PCDHA6: variants seen among roughly 807,000 people sequenced by gnomAD.
The protein encoded by PCDHA6 is protocadherin alpha-6.
Under a neutral mutation model 60.3 loss-of-function variants are expected in PCDHA6, and 55 were observed. The observed-to-expected ratio is 0.91, with a 90% confidence interval of 0.73 to 1.14. The LOEUF (loss-of-function observed/expected upper bound fraction) is 1.14. Among genes scored for constraint, PCDHA6 ranks in the 50% most tolerant of loss-of-function variants. The pLI, the probability that PCDHA6 is intolerant of heterozygous loss-of-function variation, is 0.00. For synonymous variants in PCDHA6, 652 were observed against 557.9 expected, an observed-to-expected ratio of 1.17 and a Z score of -2.38; for missense variants, 1,327 against 1,256.5, an observed-to-expected ratio of 1.06 and a Z score of -0.85.
intron 1 of PCDHA6, among the ~76,000 whole-genome samples, chr5:140,893,408 T>C (rs1562871197): frequency 6.6e-6 from 1 of 152,076 alleles, no homozygotes; most frequent in Non-Finnish European, 1.5e-5. Flanking sequence ...ATCCCAGCAC[T>C]TAGGGAGGCA....
At chr5:140,884,179 G>A in intron 1 of PCDHA6, 3 of 1,613,460 alleles carry the variant, frequency 1.9e-6, no homozygotes, top group Non-Finnish European at 1.7e-6. Context: ...CGCGCCCTCT[G>A]GACGAGGTGG....
In PCDHA6 at chr5:140,849,693, A is replaced by C. The variant is rs2150445321; in HGVS notation, c.2394+19208A>C. 85 of 1,598,584 alleles carry C rather than the reference A, an allele frequency of 5.3e-5. 3 individuals are homozygous for C. The East Asian group carries it at 1.1e-3, about 21-fold the overall frequency. On this transcript the variant is annotated intron_variant, in intron 1 of 3. Coordinates refer to ENST00000529310, the MANE Select transcript of PCDHA6 (RefSeq NM_018909.4). ...CCACGTCCCCTTCAAGCTGGTGTCC[A>C]CCTACAAGAATTACTACTCGTTGGT...
intron 1 of PCDHA6, among the ~76,000 whole-genome samples, chr5:140,873,896 G>T (rs111760299): frequency 6.6e-6 from 1 of 152,112 alleles, no homozygotes; most frequent in African/African-American, 2.4e-5. Context: ...CCTGACCTCA[G>T]GTGATCTGCC....
At chr5:140,989,601 A>C (rs553140269) in intron 3 of PCDHA6, among the ~76,000 whole-genome samples, 14 of 152,318 alleles carry the variant, frequency 9.2e-5, no homozygotes, top group African/African-American at 3.4e-4. Flanking sequence ...ACACAAGTAA[A>C]CTAAAAATGA....
rs2150173108 is a variant in PCDHA6, at chr5:140,829,711, G to C, written c.1620G>C (p.Ala540=). 2.5e-5 allele frequency: 41 copies of C among 1,613,342 alleles called. No homozygotes were observed. Among genetic ancestry groups the C allele is most frequent in the South Asian group, 8.8e-5 (8 of 91,068 alleles). ...LLQFQVSARD[A]GVPPLGSNVT... is the part of the protein sequence containing the mutation. ...AGTTTCAGGTGAGCGCGCGCGACGC[G>C]GGCGTGCCGCCTCTGGGCAGCAACG... Residue 540 remains alanine (A), a synonymous_variant, in exon 1 of 4, where the codon GCG becomes GCC. Transcript: ENST00000529310.
chr5:140,968,506 G>T (rs781902536), intron 1 of PCDHA6: 2 of 1,614,176 alleles, frequency 1.2e-6, no homozygotes, highest in South Asian at 2.2e-5. Context: ...CTCACATTCT[G>T]TACCCTACCT....
intron 1 of PCDHA6, among the ~76,000 whole-genome samples, chr5:140,874,638 C>A (rs2055040349): frequency 6.6e-6 from 1 of 152,272 alleles, no homozygotes; most frequent in South Asian, 2.1e-4. Context: ...AAGTGCTTTA[C>A]TTTTGCTAGA....
chr5:140,935,527 C>G (rs956168876), intron 1 of PCDHA6, among the ~76,000 whole-genome samples: 4 of 152,172 alleles, frequency 2.6e-5, no homozygotes, highest in Non-Finnish European at 5.9e-5. Context: ...CATGTACAGT[C>G]AAATTATTGT....
At chr5:140,883,521 T>C in intron 1 of PCDHA6, 2 of 1,614,202 alleles carry the variant, frequency 1.2e-6, no homozygotes, top group Non-Finnish European at 1.7e-6. Flanking sequence ...CGCGAGAGCG[T>C]ATCAGCCTAT....
chr5:140,909,070 C>T (rs2074299054), intron 1 of PCDHA6, among the ~76,000 whole-genome samples: 1 of 152,146 alleles, frequency 6.6e-6, no homozygotes, highest in Non-Finnish European at 1.5e-5. Flanking sequence ...CACCAATAAG[C>T]CCAGTGTGTT....
intron 1 of PCDHA6, chr5:140,884,752 A>G (rs954313403): frequency 1.1e-5 from 16 of 1,429,736 alleles, no homozygotes; most frequent in East Asian, 2.5e-5. Context: ...CCAATTTCAA[A>G]TTATTCTTTA....
chr5:140,860,136 T>C (rs2150487566), intron 1 of PCDHA6: 1 of 150,532 alleles, frequency 6.6e-6, no homozygotes, highest in East Asian at 2.0e-4. Context: ...TGTGTGTGTA[T>C]ATATATGTAT....
chr5:140,848,352 TC>T, intron 1 of PCDHA6: 1 of 1,003,034 alleles, frequency 1.0e-6, no homozygotes, highest in Non-Finnish European at 1.5e-6. Context: ...ACAGCCCTTT[TC>T]CCATGGGAAA....
rs2150176347 is a variant in PCDHA6 at position 140,829,858 on chromosome 5, A to C, written c.1767A>C (p.Gln589His). ...ELVPRSLGAG[Q>H]VVAKVRAVDA... is the part of the protein sequence containing the mutation. Reference sequence around the variant, plus strand: ...TGCCGCGGTCACTGGGTGCAGGCCAAGTGGTGGCGAAGGTGCGCGCAGTTG... The same window carrying C: ...TGCCGCGGTCACTGGGTGCAGGCCACGTGGTGGCGAAGGTGCGCGCAGTTG... Residue 589 changes from glutamine to histidine, a missense_variant, in exon 1 of 4, where the codon CAA becomes CAC. Physicochemically the swap from Gln to His is conservative, Grantham distance 24 (BLOSUM62 0). Coordinates refer to ENST00000529310, the MANE Select transcript of PCDHA6 (RefSeq NM_018909.4). 8 of 1,613,912 alleles carry C rather than the reference A, an allele frequency of 5.0e-6. No individual in the cohort carries two copies. Among genetic ancestry groups the C allele is most frequent in the Admixed American group, 1.7e-5 (1 of 59,998 alleles).
At chr5:140,857,110 G>C in intron 1 of PCDHA6, 1 of 1,597,820 alleles carries the variant, frequency 6.3e-7, no homozygotes. Flanking sequence ...TCACTTCTCT[G>C]TCTCTCCCAG....
chr5:140,887,349 G>A (rs1311370450), intron 1 of PCDHA6, among the ~76,000 whole-genome samples: 2 of 152,084 alleles, frequency 1.3e-5, no homozygotes, highest in Non-Finnish European at 2.9e-5. Flanking sequence ...ACCTGGCTCG[G>A]CCTCCCAAAG....
At chr5:140,838,112 G>C (rs950197929) in intron 1 of PCDHA6, among the ~76,000 whole-genome samples, 3 of 149,312 alleles carry the variant, frequency 2.0e-5, no homozygotes, top group Non-Finnish European at 4.5e-5. Context: ...GTGTGTGTGT[G>C]TGTGTGTGTG....
chr5:140,835,758 G>C, intron 1 of PCDHA6: 1 of 1,613,438 alleles, frequency 6.2e-7, no homozygotes, highest in East Asian at 2.2e-5. Flanking sequence ...CGCGCAGCCC[G>C]AGTATACGGT....
At chr5:140,921,811 T>C (rs1484171257) in intron 1 of PCDHA6, among the ~76,000 whole-genome samples, 1 of 152,096 alleles carries the variant, frequency 6.6e-6, no homozygotes, top group Non-Finnish European at 1.5e-5. Context: ...ATAAGATACA[T>C]GTGTGAATAT....
Sources: gnomAD v4.1 joint callset for allele counts (sites outside exome capture counted in the v4.1 genomes callset) on GRCh38, gnomAD v4.1.1 for gene constraint, MANE v1.5 for transcripts, NCBI Gene and HGNC (gene_info 2026-07-23, HGNC 2026-07-21) for gene names.